The following DPP4 variants were observed in gnomAD, a reference collection of about 807,000 sequenced individuals.
DPP4 encodes dipeptidyl peptidase 4.
Under a neutral mutation model 122.4 loss-of-function variants are expected in DPP4, and 93 were observed. The ratio of observed to expected loss-of-function variants is 0.76; its 90% CI spans 0.64 to 0.90. The LOEUF is 0.90. DPP4 is among the 40% of genes least tolerant of loss of function. The pLI is 0.00. For missense variants in DPP4, 914 were observed against 907.3 expected, an observed-to-expected ratio of 1.01 and a Z score of -0.09; for synonymous variants, 321 against 302.9, an observed-to-expected ratio of 1.06 and a Z score of -0.62.
At chr2:162,039,321 C>A in intron 5 of DPP4, 137 bp from the exon 6 acceptor site, 1 of 801,570 alleles carries the variant, frequency 1.2e-6, no homozygotes, top group Non-Finnish European at 1.9e-6. Context: ...TAATTTCCTC[C>A]GAGAATTTTG....
chr2:162,018,968 T>A, intron 15 of DPP4, 118 bp from the exon 16 acceptor site: 2 of 344,570 alleles, frequency 5.8e-6, no homozygotes, highest in Non-Finnish European at 8.7e-6. Context: ...TCTTTAGGAC[T>A]TTTTTTTTTT....
At chr2:162,023,751 A>G (rs1230299280) in intron 11 of DPP4, among the ~76,000 whole-genome samples, 1 of 152,144 alleles carries the variant, frequency 6.6e-6, no homozygotes, top group African/African-American at 2.4e-5. Context: ...GCAGCAAGCA[A>G]AGAGCTTGGG....
At chr2:162,014,659 T>C (rs766620943) in intron 18 of DPP4, among the ~76,000 whole-genome samples, 194 bp from the exon 19 acceptor site, 4 of 152,224 alleles carry the variant, frequency 2.6e-5, no homozygotes, top group Non-Finnish European at 5.9e-5. Context: ...AAATACTAGT[T>C]AATGTTAAAA....
intron 20 of DPP4, among the ~76,000 whole-genome samples, chr2:162,010,911 A>C (rs1559707792): frequency 6.6e-6 from 1 of 151,984 alleles, no homozygotes; most frequent in African/African-American, 2.4e-5. Flanking sequence ...CCTCCCTATT[A>C]TGCTTCCCCA....
At chr2:162,056,986 C>A (rs1684601130) in intron 2 of DPP4, among the ~76,000 whole-genome samples, 1 of 152,150 alleles carries the variant, frequency 6.6e-6, no homozygotes, top group South Asian at 2.1e-4. Context: ...AGTCCTGTGA[C>A]CGTCACCCAT....
chr2:162,074,092 G>C lies in DPP4; in HGVS notation c.-111C>G. 1.3e-6 allele frequency: 2 copies of C among 1,486,870 alleles called. No homozygotes were observed. Among genetic ancestry groups the C allele is most frequent in the South Asian group, 1.4e-5 (1 of 73,764 alleles). The allele number at this position is 1,486,870 out of a possible 1,614,324, so 92.1% of individuals were successfully genotyped here. On this transcript the variant is annotated 5_prime_UTR_variant, in exon 1 of 26. Transcript: ENST00000360534. ...GCTGCTCCGGGCGGTGGAGTCACTCGCCGCTGGCAAGTTTCGGCCCCGAGT... is the reference window on the plus strand; with the variant it reads ...GCTGCTCCGGGCGGTGGAGTCACTCCCCGCTGGCAAGTTTCGGCCCCGAGT...
At chr2:162,004,585 G>GTA (rs1559705305) in intron 23 of DPP4, among the ~76,000 whole-genome samples, 4 of 150,742 alleles carry the variant, frequency 2.7e-5, no homozygotes, top group African/African-American at 7.3e-5. Flanking sequence ...ACAGCTCCCT[G>GTA]CACACACACA....
Position 162,011,991 on chromosome 2 carries a change from T to C in DPP4, c.1638-4A>G. 1 of 1,607,626 alleles carries C rather than the reference T, an allele frequency of 6.2e-7. No homozygotes were observed. Among genetic ancestry groups the C allele is most frequent in the Middle Eastern group, 1.7e-4 (1 of 6,018 alleles). ...TTGACTACATGGGCCTGCATACCTA[T>C]GAAAAATACCAAATTGTTAGCTTTC... On this transcript the variant is annotated splice_region_variant and splice_polypyrimidine_tract_variant and intron_variant, in intron 19 of 25. Transcript: ENST00000360534.
chr2:162,040,446 T>C (rs1683944096), intron 5 of DPP4, among the ~76,000 whole-genome samples: 1 of 152,026 alleles, frequency 6.6e-6, no homozygotes, highest in Admixed American at 6.6e-5. Flanking sequence ...CTAAGTGAAA[T>C]AAGCCAATGT....
chr2:162,048,077 C>A (rs1385926868), intron 2 of DPP4, among the ~76,000 whole-genome samples: 2 of 152,128 alleles, frequency 1.3e-5, no homozygotes, highest in African/African-American at 4.8e-5. Context: ...GCTAGATCAT[C>A]CTTTTCAGAG....
At chr2:162,046,253 G>A (rs1182788851) in intron 4 of DPP4, among the ~76,000 whole-genome samples, 1 of 152,134 alleles carries the variant, frequency 6.6e-6, no homozygotes, top group Non-Finnish European at 1.5e-5. Flanking sequence ...AAGATTAAAT[G>A]AGGGTTTAAG....
chr2:162,024,939 C>G lies in DPP4; in HGVS notation c.888G>C (p.Gly296=), dbSNP rs565859811. ...ATGTCACATCACACAAGTAGTGATC[C>G]CTGGAAGGAAGAAAGAAAGGAAGGA... The part of the protein sequence containing the change: ...QITAPASMLI[G]DHYLCDVTWA... The change falls in exon 11 of 26, where the codon GGG becomes GGC. Residue 296 remains glycine (G), a splice_region_variant and synonymous_variant. Coordinates refer to ENST00000360534, the MANE Select transcript of DPP4 (RefSeq NM_001935.4). 8.1e-6 allele frequency: 13 copies of G among 1,612,284 alleles called. No homozygotes were observed. In the East Asian group the frequency reaches 2.7e-4, roughly 33 times the overall value.
intron 7 of DPP4, 145 bp downstream of exon 7, chr2:162,038,804 C>G (rs1033593244): frequency 1.4e-6 from 1 of 734,140 alleles, no homozygotes; most frequent in South Asian, 1.9e-5. Context: ...CAGCTGCAGA[C>G]AAACATTAGA....
At chr2:162,022,608 A>T in intron 12 of DPP4, 147 bp downstream of exon 12, 1 of 726,102 alleles carries the variant, frequency 1.4e-6, no homozygotes, top group East Asian at 2.6e-5. Context: ...AGATATCTTT[A>T]TAGGGAGCAT....
chr2:161,995,453 A>G (rs1401467182), intron 23 of DPP4, 81 bp from the exon 24 acceptor site: 1 of 1,385,122 alleles, frequency 7.2e-7, no homozygotes, highest in Non-Finnish European at 1.0e-6. Context: ...ACAAAATAAA[A>G]TGTTTTCAGC....
chr2:162,009,342 A>T (rs955259184), intron 20 of DPP4, 47 bp from the exon 21 acceptor site: 3 of 1,555,488 alleles, frequency 1.9e-6, no homozygotes, highest in African/African-American at 2.7e-5. Context: ...CATTGTGTAT[A>T]GAAAACTTAG....
intron 23 of DPP4, among the ~76,000 whole-genome samples, chr2:161,998,578 G>T (rs192027640): frequency 5.2e-4 from 79 of 152,262 alleles, no homozygotes; most frequent in Non-Finnish European, 5.6e-4. Context: ...ATGAAACTGA[G>T]AAATGTCATT....
intron 10 of DPP4, among the ~76,000 whole-genome samples, chr2:162,032,594 GC>G (rs1418105696): frequency 1.3e-5 from 2 of 151,906 alleles, no homozygotes; most frequent in Non-Finnish European, 2.9e-5. Flanking sequence ...CAGGAGAATC[GC>G]TTGAACCTGG....
chr2:162,024,677 C>T, intron 11 of DPP4, 127 bp downstream of exon 11: 1 of 1,283,462 alleles, frequency 7.8e-7, no homozygotes, highest in South Asian at 1.5e-5. Context: ...GCCTCAGGAT[C>T]AGACAGAGTC....
Sources: allele counts gnomAD v4.1 joint callset (sites outside exome capture counted in the v4.1 genomes callset), GRCh38; gene constraint gnomAD v4.1.1; transcripts MANE v1.5; gene names NCBI Gene and HGNC (gene_info 2026-07-23, HGNC 2026-07-21).